Variants in VSTM5 observed in about 807,000 individuals in gnomAD.
VSTM5 encodes the protein V-set and transmembrane domain-containing protein 5.
VSTM5 carries 21 observed loss-of-function variants against 20.3 expected under a neutral mutation model. The ratio of observed to expected loss-of-function variants is 1.03; its 90% CI spans 0.73 to 1.49. The LOEUF is 1.49. Among genes scored for constraint, VSTM5 ranks in the 40% most tolerant of loss-of-function variants. VSTM5 has a pLI of 0.00. For missense variants in VSTM5, 219 were observed against 250.0 expected (o/e 0.88, Z 0.84); for synonymous variants, 100 against 102.5 (o/e 0.98, Z 0.14).
intron 1 of VSTM5, among the ~76,000 whole-genome samples, chr11:93,828,023 T>C (rs1162861467): frequency 6.6e-6 from 1 of 152,212 alleles, no homozygotes. Context: ...TAATTTTGAA[T>C]TTTTCAGTTA....
chr11:93,829,093 C>G (rs1243468431), intron 1 of VSTM5, among the ~76,000 whole-genome samples: 1 of 152,220 alleles, frequency 6.6e-6, no homozygotes, highest in Non-Finnish European at 1.5e-5. Flanking sequence ...GGAGCCGCAG[C>G]CCCCACCACT....
At chr11:93,830,613 G>C (rs1300535092) in intron 1 of VSTM5, among the ~76,000 whole-genome samples, 2 of 152,232 alleles carry the variant, frequency 1.3e-5, no homozygotes, top group Admixed American at 6.5e-5. Flanking sequence ...AACCAGGAGA[G>C]AGCAGGAAAG....
At chr11:93,837,544 C>T (rs1259478795) in intron 1 of VSTM5, among the ~76,000 whole-genome samples, 4 of 151,968 alleles carry the variant, frequency 2.6e-5, no homozygotes. Context: ...GTTCCAATAT[C>T]GATCTGCCCT....
chr11:93,823,512 G>A (rs772939256), intron 1 of VSTM5, among the ~76,000 whole-genome samples: 32 of 152,062 alleles, frequency 2.1e-4, no homozygotes, highest in Non-Finnish European at 3.1e-4. Flanking sequence ...TCAAAGTTTG[G>A]ACCTTTTGAT....
intron 1 of VSTM5, among the ~76,000 whole-genome samples, chr11:93,841,089 C>A (rs1006636534): frequency 6.6e-6 from 1 of 151,760 alleles, no homozygotes; most frequent in African/African-American, 2.4e-5. Flanking sequence ...CTACACCTCT[C>A]CCCCTCTTCC....
intron 1 of VSTM5, among the ~76,000 whole-genome samples, chr11:93,843,632 G>C (rs146676811): frequency 1.4e-4 from 22 of 152,302 alleles, no homozygotes; most frequent in African/African-American, 5.1e-4. Flanking sequence ...TTGGTAAGCA[G>C]TCACAGTTAT....
At chr11:93,844,621 C>T (rs1944397904) in intron 1 of VSTM5, among the ~76,000 whole-genome samples, 1 of 152,158 alleles carries the variant, frequency 6.6e-6, no homozygotes, top group Admixed American at 6.5e-5. Flanking sequence ...TCTACTGGCC[C>T]ACAAAGAGAA....
chr11:93,825,846 G>T (rs1944229679), intron 1 of VSTM5, among the ~76,000 whole-genome samples: 1 of 150,486 alleles, frequency 6.6e-6, no homozygotes, highest in Non-Finnish European at 1.5e-5. Flanking sequence ...TTGGCTCACT[G>T]CAGCCTTGAC....
chr11:93,847,686 G>A lies in VSTM5; in HGVS notation c.91+2726C>T, dbSNP rs185250953. The stretch of plus-strand genomic sequence containing the variant: ...GTGAGCCTGATGGCTAATGTACTGG[G>A]AAAGGACATGAACAAATGTTCTAGA... On this transcript the variant is annotated intron_variant, in intron 1 of 3. Transcript: ENST00000409977. Among the ~76,000 whole-genome samples, 356 of 152,340 alleles carry A rather than the reference G, an allele frequency of 2.3e-3. 2 individuals carry two copies. The highest frequency in any genetic ancestry group is 8.0e-3 in the African/African-American group (334 of 41,572).
At chr11:93,821,432 A>AT in intron 1 of VSTM5, 109 bp from the exon 2 acceptor site, 1 of 1,072,022 alleles carries the variant, frequency 9.3e-7, no homozygotes. Flanking sequence ...TGCCTATTAT[A>AT]TGCCAGGAAC....
intron 1 of VSTM5, among the ~76,000 whole-genome samples, chr11:93,833,321 G>A (rs533625936): frequency 1.3e-5 from 2 of 152,316 alleles, no homozygotes; most frequent in South Asian, 2.1e-4. Flanking sequence ...GCTCATGCCT[G>A]TAATCCCAGC....
intron 1 of VSTM5, among the ~76,000 whole-genome samples, chr11:93,827,269 G>A (rs1944246457): frequency 6.6e-6 from 1 of 152,140 alleles, no homozygotes; most frequent in Non-Finnish European, 1.5e-5. Flanking sequence ...TGTAATCCCA[G>A]CTACTCAGGA....
intron 1 of VSTM5, among the ~76,000 whole-genome samples, chr11:93,838,301 C>T (rs987054925): frequency 2.6e-5 from 4 of 151,994 alleles, no homozygotes; most frequent in Admixed American, 6.5e-5. Flanking sequence ...GGTGAAACTC[C>T]GTCTCTATTA....
At chr11:93,827,406 A>C (rs1944247721) in intron 1 of VSTM5, among the ~76,000 whole-genome samples, 2 of 152,244 alleles carry the variant, frequency 1.3e-5, no homozygotes, top group Admixed American at 1.3e-4. Context: ...TCTATAACAA[A>C]GATGAAAAAT....
Position 93,843,163 on chromosome 11 carries a change from A to G in VSTM5, c.91+7249T>C, listed in dbSNP as rs149924212. Among the ~76,000 whole-genome samples, 1,052 of 152,020 alleles carry G rather than the reference A, an allele frequency of 6.9e-3. 17 individuals are homozygous for G. The highest frequency in any genetic ancestry group is 0.024 in the African/African-American group (1,007 of 41,442). On this transcript the variant is annotated intron_variant, in intron 1 of 3. Transcript: ENST00000409977. The stretch of plus-strand genomic sequence containing the variant: ...TTCGAGTAAATTCTCCTCCAGAAAA[A>G]CTATTAGGCCAATTCCTCTTTATCC...
chr11:93,839,762 G>A lies in VSTM5; in HGVS notation c.91+10650C>T, dbSNP rs955473331. 7.2e-5 allele frequency among the ~76,000 whole-genome samples: 11 copies of A among 152,076 alleles called. 1 individual carries two copies. Among genetic ancestry groups the A allele is most frequent in the African/African-American group, 2.7e-4 (11 of 41,400 alleles). ...AGCTCCCGCCCTTTTTGCCTGTTAT[G>A]GTTTGAATAGTGTGTCGCCAAAAAG... is the stretch of plus-strand genomic sequence containing the variant. On this transcript the variant is annotated intron_variant, in intron 1 of 3. Coordinates refer to ENST00000409977, the MANE Select transcript of VSTM5 (RefSeq NM_001144871.2).
rs1220148263 is a variant in VSTM5, at chr11:93,819,136, T to C, written c.*1433A>G. 6.6e-6 allele frequency: 1 copy of C among 152,214 alleles called. No individual in the cohort carries two copies. Among genetic ancestry groups the C allele is most frequent in the Non-Finnish European group, 1.5e-5 (1 of 68,078 alleles). 9.4% of individuals were successfully genotyped at this position (152,214 alleles called of 1,614,324 possible). A position where few individuals can be genotyped will look rare whatever the true frequency, so the allele number is the denominator to read the frequency against. On this transcript the variant is annotated 3_prime_UTR_variant, in exon 4 of 4. Transcript: ENST00000409977. ...TCTGCCACATAGGAAATAGAGAAGA[T>C]ATGGACATTGGAGGCCTGAAAGGAG...
chr11:93,843,420 T>A (rs554264369), intron 1 of VSTM5, among the ~76,000 whole-genome samples: 2 of 152,258 alleles, frequency 1.3e-5, no homozygotes, highest in East Asian at 3.9e-4. Context: ...CCCCAGGGCC[T>A]AGCACAGTGC....
Position 93,850,558 on chromosome 11 carries a change from C to T in VSTM5, c.-56G>A, listed in dbSNP as rs567320379. 25 of 1,353,794 alleles carry T rather than the reference C, an allele frequency of 1.8e-5. 1 individual carries two copies. In the South Asian group the frequency reaches 3.1e-4, roughly 17 times the overall value. 83.9% of individuals were successfully genotyped at this position (1,353,794 alleles called of 1,614,324 possible). A position where few individuals can be genotyped will look rare whatever the true frequency, so the allele number is the denominator to read the frequency against. ...GTGTGCTGGCCGCACCGCGCTGCAG[C>T]TCCTATGCAGCCTTCTCTCTTCCTC... is the stretch of plus-strand genomic sequence containing the variant. On this transcript the variant is annotated 5_prime_UTR_variant, in exon 1 of 4. Transcript: ENST00000409977.
Sources: allele counts gnomAD v4.1 joint callset (sites outside exome capture counted in the v4.1 genomes callset), GRCh38; gene constraint gnomAD v4.1.1; transcripts MANE v1.5; gene names NCBI Gene and HGNC (gene_info 2026-07-23, HGNC 2026-07-21).